BMPR1B: variants seen among roughly 807,000 people sequenced by gnomAD.
The protein encoded by BMPR1B is bone morphogenetic protein receptor type-1B.
In BMPR1B, 12 loss-of-function variants were observed where a neutral mutation model predicts 59.1. The observed-to-expected ratio is 0.20, with a 90% CI of 0.13 to 0.33. The LOEUF is 0.33. BMPR1B is among the 10% of genes least tolerant of loss of function. The probability of loss-of-function intolerance (pLI) is 1.00; values close to 1 mark genes in which losing one functional copy is unlikely to be tolerated. For synonymous variants in BMPR1B, 237 were observed against 207.3 expected (o/e 1.14, Z -1.23); for missense variants, 550 against 610.9 (o/e 0.90, Z 1.05).
chr4:95,016,493 A>G (rs1193103445), intron 3 of BMPR1B, among the ~76,000 whole-genome samples: 1 of 152,212 alleles, frequency 6.6e-6, no homozygotes, highest in Non-Finnish European at 1.5e-5. Flanking sequence ...AGAAACTACC[A>G]CTTCTTGAAT....
intron 4 of BMPR1B, among the ~76,000 whole-genome samples, chr4:95,110,002 T>C (rs1731516453): frequency 6.6e-6 from 1 of 151,814 alleles, no homozygotes; most frequent in African/African-American, 2.4e-5. Context: ...GAGGCTTTTA[T>C]AAGGAATAAC....
At chr4:94,915,968 C>A (rs1728468041) in intron 2 of BMPR1B, among the ~76,000 whole-genome samples, 1 of 152,226 alleles carries the variant, frequency 6.6e-6, no homozygotes, top group African/African-American at 2.4e-5. Flanking sequence ...CAGCCTCTTC[C>A]TACTTTTGCC....
intron 2 of BMPR1B, among the ~76,000 whole-genome samples, chr4:94,939,504 A>G (rs560991227): frequency 6.6e-6 from 1 of 152,318 alleles, no homozygotes; most frequent in East Asian, 1.9e-4. Flanking sequence ...ATATTTTCCT[A>G]GACTAATGTA....
intron 2 of BMPR1B, among the ~76,000 whole-genome samples, chr4:94,901,090 G>A (rs1257402856): frequency 6.6e-6 from 1 of 151,912 alleles, no homozygotes; most frequent in African/African-American, 2.4e-5. Context: ...GTTGGTAGGG[G>A]CCCTCAGCTC....
At chr4:94,878,900 T>C (rs1054760052) in intron 2 of BMPR1B, among the ~76,000 whole-genome samples, 1 of 152,174 alleles carries the variant, frequency 6.6e-6, no homozygotes, top group African/African-American at 2.4e-5. Flanking sequence ...TTTGACTCAT[T>C]TATATCAAAT....
rs141994255 is a variant in BMPR1B at position 94,981,003 on chromosome 4, A to ACGCGCGCG, written c.-112-15036_-112-15035insGCGCGCGC. 5.0e-4 allele frequency among the ~76,000 whole-genome samples: 45 copies of ACGCGCGCG among 90,842 alleles called. 1 individual carries two copies. The highest frequency in any genetic ancestry group is 1.2e-3 in the Admixed American group (9 of 7,614). The allele number at this position is 90,842 out of a possible 152,430, so 59.6% of individuals were successfully genotyped here. ...GAGCAAGACTCCATCACACACACAC[A>ACGCGCGCG]CACACACACACACACACACAAAAAG... On this transcript the variant is annotated intron_variant, in intron 2 of 12. Transcript: ENST00000515059.
At chr4:95,081,817 T>C (rs1433521163) in intron 3 of BMPR1B, among the ~76,000 whole-genome samples, 1 of 152,174 alleles carries the variant, frequency 6.6e-6, no homozygotes, top group Non-Finnish European at 1.5e-5. Context: ...TCTTAATATG[T>C]CAATCACAAC....
At chr4:95,064,110 A>G (rs1727620494) in intron 3 of BMPR1B, among the ~76,000 whole-genome samples, 2 of 152,198 alleles carry the variant, frequency 1.3e-5, no homozygotes, top group African/African-American at 4.8e-5. Flanking sequence ...AATTATATGG[A>G]AATATTCATA....
chr4:95,146,577 G>C (rs1397151135), intron 10 of BMPR1B, among the ~76,000 whole-genome samples: 1 of 152,142 alleles, frequency 6.6e-6, no homozygotes, highest in African/African-American at 2.4e-5. Context: ...ATGCCCTTCT[G>C]TGTGGATTGT....
chr4:94,979,636 T>C (rs551249953), intron 2 of BMPR1B, among the ~76,000 whole-genome samples: 1 of 152,354 alleles, frequency 6.6e-6, no homozygotes, highest in Non-Finnish European at 1.5e-5. Context: ...AATCTAGCTT[T>C]GTATAAGTAT....
chr4:95,150,468 A>G (rs958510883), intron 11 of BMPR1B, among the ~76,000 whole-genome samples: 8 of 151,860 alleles, frequency 5.3e-5, no homozygotes, highest in Admixed American at 2.0e-4. Flanking sequence ...AAAAAAAAAA[A>G]AACAAGTAGA....
At chr4:94,968,467 T>TTAA (rs1402985438) in intron 2 of BMPR1B, among the ~76,000 whole-genome samples, 2 of 152,218 alleles carry the variant, frequency 1.3e-5, no homozygotes, top group Non-Finnish European at 2.9e-5. Flanking sequence ...ATATGTTTAT[T>TTAA]TAACAATTAG....
chr4:94,850,160 A>T (rs1012599475), intron 1 of BMPR1B, among the ~76,000 whole-genome samples: 2 of 151,990 alleles, frequency 1.3e-5, no homozygotes, highest in Non-Finnish European at 2.9e-5. Flanking sequence ...TCCTGACTTC[A>T]TTTTTTTAAT....
intron 1 of BMPR1B, among the ~76,000 whole-genome samples, chr4:94,803,760 T>C (rs1723498253): frequency 6.6e-6 from 1 of 152,236 alleles, no homozygotes; most frequent in African/African-American, 2.4e-5. Context: ...TCTTTCTTGG[T>C]CTTTGCATAT....
intron 10 of BMPR1B, among the ~76,000 whole-genome samples, chr4:95,144,505 T>C (rs995036579): frequency 2.6e-5 from 4 of 151,812 alleles, no homozygotes; most frequent in African/African-American, 7.3e-5. Flanking sequence ...AAAATACTCA[T>C]TGAAGCATGA....
intron 1 of BMPR1B, among the ~76,000 whole-genome samples, chr4:94,837,516 A>G (rs1342684412): frequency 3.4e-5 from 5 of 145,296 alleles, no homozygotes; most frequent in Admixed American, 2.7e-4. Flanking sequence ...TTGTCTTTGA[A>G]GCAATTGTGA....
At chr4:94,772,313 A>G (rs1036823866) in intron 1 of BMPR1B, among the ~76,000 whole-genome samples, 11 of 152,204 alleles carry the variant, frequency 7.2e-5, no homozygotes, top group Admixed American at 4.6e-4. Flanking sequence ...TGGCATAGCA[A>G]AATGCAGAAG....
chr4:94,939,593 C>T (rs1729436333), intron 2 of BMPR1B, among the ~76,000 whole-genome samples: 1 of 152,166 alleles, frequency 6.6e-6, no homozygotes, highest in Admixed American at 6.5e-5. Flanking sequence ...TCAGAGCAAA[C>T]TGATAACTAA....
chr4:94,906,321 A>G (rs890764749), intron 2 of BMPR1B, among the ~76,000 whole-genome samples: 1 of 151,998 alleles, frequency 6.6e-6, no homozygotes, highest in Admixed American at 6.6e-5. Flanking sequence ...TTTGTTTTGC[A>G]TGGTACTTAT....
Sources: allele counts gnomAD v4.1 joint callset (sites outside exome capture counted in the v4.1 genomes callset), GRCh38; gene constraint gnomAD v4.1.1; transcripts MANE v1.5; gene names NCBI Gene and HGNC (gene_info 2026-07-23, HGNC 2026-07-21).